PTPRS: variants seen among roughly 807,000 people sequenced by gnomAD.
PTPRS encodes receptor-type tyrosine-protein phosphatase S.
A neutral mutation model predicts 215.3 loss-of-function variants in PTPRS; 63 were observed. The ratio of observed to expected loss-of-function variants is 0.29; its 90% CI spans 0.24 to 0.36. The LOEUF is 0.36. PTPRS is among the 10% of genes least tolerant of loss of function. PTPRS has a pLI of 1.00. For synonymous variants in PTPRS, 1,404 were observed against 1,191.4 expected, an observed-to-expected ratio of 1.18 and a Z score of -3.68; for missense variants, 2,258 against 2,825.8, an observed-to-expected ratio of 0.80 and a Z score of 4.56.
At chr19:5,277,049 A>G (rs1396566287) in intron 2 of PTPRS, among the ~76,000 whole-genome samples, 1 of 134,040 alleles carries the variant, frequency 7.5e-6, no homozygotes, top group African/African-American at 2.9e-5. Context: ...GCTACTGCTG[A>G]GTTTTGTGTT....
chr19:5,296,977 T>G (rs2049155191), intron 1 of PTPRS, among the ~76,000 whole-genome samples: 1 of 152,102 alleles, frequency 6.6e-6, no homozygotes, highest in Non-Finnish European at 1.5e-5. Flanking sequence ...TAGAATTTTC[T>G]AAACGGCTCA....
chr19:5,283,247 C>T (rs1371771923), intron 2 of PTPRS, among the ~76,000 whole-genome samples: 3 of 151,916 alleles, frequency 2.0e-5, no homozygotes, highest in East Asian at 1.9e-4. Flanking sequence ...AAATTGTTCC[C>T]CTATGCCTGT....
chr19:5,267,791 T>C (rs2046546179), intron 4 of PTPRS, among the ~76,000 whole-genome samples: 1 of 114,906 alleles, frequency 8.7e-6, no homozygotes, highest in Non-Finnish European at 1.6e-5. Context: ...GACCAAGAAA[T>C]AGGCAGCTCC....
chr19:5,260,347 T>C (rs1202713609), intron 7 of PTPRS, among the ~76,000 whole-genome samples: 1 of 151,930 alleles, frequency 6.6e-6, no homozygotes, highest in African/African-American at 2.4e-5. Flanking sequence ...GCCCGGCTAA[T>C]TTTTGTGTTT....
chr19:5,214,769 G>A, intron 28 of PTPRS, 33 bp from the exon 29 acceptor site: 1 of 1,574,736 alleles, frequency 6.4e-7, no homozygotes, highest in Non-Finnish European at 8.7e-7. Context: ...GGGATCTGTG[G>A]GGGCTGTCTT....
chr19:5,217,339 A>T (rs1277157366), intron 25 of PTPRS, among the ~76,000 whole-genome samples: 3 of 152,252 alleles, frequency 2.0e-5, no homozygotes, highest in Admixed American at 1.3e-4. Flanking sequence ...CGTCAGTTAC[A>T]TGCACATTTA....
At position 5,269,368 on chromosome 19, in the gene PTPRS, G is replaced by A. The variant is rs557694606; in HGVS notation, c.379+4074C>T. ...CGAACCACACTCTGCCCAGTTCCTC[G>A]GAGTTTAATTAAAACAACAGTGCAG... On this transcript the variant is annotated intron_variant, in intron 4 of 37. Coordinates refer to ENST00000262963, the MANE Select transcript of PTPRS (RefSeq NM_002850.4). Among the ~76,000 whole-genome samples, 134 of 152,040 alleles carry A rather than the reference G, an allele frequency of 8.8e-4. 1 individual carries two copies. Among genetic ancestry groups the A allele is most frequent in the African/African-American group, 2.6e-3 (109 of 41,476 alleles).
chr19:5,329,327 G>C (rs114236041), intron 1 of PTPRS, among the ~76,000 whole-genome samples: 1 of 152,058 alleles, frequency 6.6e-6, no homozygotes, highest in African/African-American at 2.4e-5. Context: ...CACACAGCTC[G>C]TAAGGGGCAA....
chr19:5,218,861 G>A (rs1000704818), intron 23 of PTPRS, 63 bp from the exon 24 acceptor site: 21 of 1,497,232 alleles, frequency 1.4e-5, no homozygotes, highest in Middle Eastern at 1.8e-4. Flanking sequence ...AGGGTGTGCC[G>A]GCCATCAAGG....
chr19:5,334,454 T>C (rs1158447982), intron 1 of PTPRS, among the ~76,000 whole-genome samples: 5 of 152,254 alleles, frequency 3.3e-5, no homozygotes, highest in Non-Finnish European at 7.3e-5. Context: ...ACTGTTACTC[T>C]TCTCCATAGA....
In PTPRS at chr19:5,323,701, T is replaced by C. The variant is rs539488453; in HGVS notation, c.-95+16963A>G. On this transcript the variant is annotated intron_variant, in intron 1 of 37. Transcript: ENST00000262963. ...GACGGCAGGGAAGGGATGGAGCAGG[T>C]TGTGCAAGGCCTGGTGGGCTACAGG... is the stretch of plus-strand genomic sequence containing the variant. Among the ~76,000 whole-genome samples the C allele has an allele frequency of 9.7e-4, 147 of 152,088 alleles. 3 individuals carry two copies. The highest frequency in any genetic ancestry group is 7.3e-3 in the Admixed American group (111 of 15,270).
chr19:5,208,146 C>A, intron 36 of PTPRS, 89 bp from the exon 37 acceptor site: 1 of 1,569,968 alleles, frequency 6.4e-7, no homozygotes, highest in Non-Finnish European at 8.7e-7. Flanking sequence ...ACTCTAACAG[C>A]CCAGATGGGA....
intron 1 of PTPRS, among the ~76,000 whole-genome samples, chr19:5,300,429 T>C (rs2049265811): frequency 6.6e-6 from 1 of 152,002 alleles, no homozygotes; most frequent in Admixed American, 6.6e-5. Flanking sequence ...TCAGTCTTGG[T>C]CACTGCCAGG....
chr19:5,260,316 A>T (rs2045886945), intron 7 of PTPRS, among the ~76,000 whole-genome samples: 1 of 150,692 alleles, frequency 6.6e-6, no homozygotes. Flanking sequence ...AGTAGCTGGG[A>T]TTACAGGCGC....
intron 32 of PTPRS, 43 bp downstream of exon 32, chr19:5,211,922 C>A (rs777048307): frequency 2.7e-5 from 42 of 1,550,452 alleles, no homozygotes; most frequent in Non-Finnish European, 3.5e-5. Context: ...CTCTTTGGGC[C>A]TCCTCCCCAC....
Position 5,328,949 on chromosome 19 carries a change from G to A in PTPRS, c.-95+11715C>T, listed in dbSNP as rs759693433. Among the ~76,000 whole-genome samples, 4 of 152,296 alleles carry A rather than the reference G, an allele frequency of 2.6e-5. No homozygotes were observed. The South Asian group carries it at 8.3e-4, about 32-fold the overall frequency. Reference sequence around the variant, plus strand: ...CCCCATCATTACCTGCCTGATCAAGGTCATTAGACGTGGCAATGCTGGTAC... The same window carrying A: ...CCCCATCATTACCTGCCTGATCAAGATCATTAGACGTGGCAATGCTGGTAC... On this transcript the variant is annotated intron_variant, in intron 1 of 37. Transcript: ENST00000262963.
At chr19:5,323,504 AC>A (rs1322339539) in intron 1 of PTPRS, among the ~76,000 whole-genome samples, 2 of 152,216 alleles carry the variant, frequency 1.3e-5, no homozygotes, top group Non-Finnish European at 2.9e-5. Context: ...TTTAAAAGTG[AC>A]CTGAGACGTG....
intron 30 of PTPRS, 100 bp from the exon 31 acceptor site, chr19:5,212,591 C>T (rs1418981531): frequency 1.3e-5 from 19 of 1,419,304 alleles, no homozygotes; most frequent in South Asian, 6.8e-5. Flanking sequence ...TGCCTGTTAT[C>T]CCAGCACTTT....
At chr19:5,333,605 C>T (rs556289335) in intron 1 of PTPRS, among the ~76,000 whole-genome samples, 17 of 152,084 alleles carry the variant, frequency 1.1e-4, no homozygotes, top group East Asian at 3.9e-4. Flanking sequence ...TTCTTGTTTC[C>T]GCCCCCCTCA....
Sources: allele counts gnomAD v4.1 joint callset (sites outside exome capture counted in the v4.1 genomes callset), GRCh38; gene constraint gnomAD v4.1.1; transcripts MANE v1.5; gene names NCBI Gene and HGNC (gene_info 2026-07-23, HGNC 2026-07-21).